Variants in TPST2 observed in about 807,000 individuals in gnomAD.
The protein encoded by TPST2 is protein-tyrosine sulfotransferase 2.
In TPST2, 16 loss-of-function variants were observed where a neutral mutation model predicts 27.8. The ratio of observed to expected loss-of-function variants is 0.58; its 90% CI spans 0.39 to 0.88. TPST2 has a LOEUF of 0.88. Among genes scored for constraint, TPST2 ranks in the 40% least tolerant of loss-of-function variants. The pLI is 0.00. For synonymous variants in TPST2, 229 were observed against 231.7 expected (o/e 0.99, Z 0.10); for missense variants, 464 against 543.1 (o/e 0.85, Z 1.45).
intron 3 of TPST2, among the ~76,000 whole-genome samples, chr22:26,537,773 T>C (rs1230915414): frequency 6.6e-6 from 1 of 152,100 alleles, no homozygotes; most frequent in Non-Finnish European, 1.5e-5. Context: ...AAATTTTTAA[T>C]AAGGGTTAGC....
chr22:26,585,361 G>C (rs949220943), intron 1 of TPST2, among the ~76,000 whole-genome samples: 2 of 151,988 alleles, frequency 1.3e-5, no homozygotes, highest in African/African-American at 4.8e-5. Flanking sequence ...CTGCCTCTGA[G>C]GTCCTTCCCT....
chr22:26,587,476 G>A (rs1235776863), intron 1 of TPST2, among the ~76,000 whole-genome samples: 1 of 152,018 alleles, frequency 6.6e-6, no homozygotes, highest in East Asian at 1.9e-4. Context: ...AAGTAGCTGG[G>A]GTTACAGGCA....
At chr22:26,563,418 TC>T (rs1021037120) in intron 1 of TPST2, among the ~76,000 whole-genome samples, 2 of 149,308 alleles carry the variant, frequency 1.3e-5, no homozygotes, top group Non-Finnish European at 3.0e-5. Context: ...AAGCTCCGTC[TC>T]CCGGGTTCAC....
At chr22:26,566,970 TC>T (rs1927408026) in intron 1 of TPST2, among the ~76,000 whole-genome samples, 1 of 152,122 alleles carries the variant, frequency 6.6e-6, no homozygotes, top group African/African-American at 2.4e-5. Flanking sequence ...TTTAGCCGCA[TC>T]CCCGGCCTCT....
chr22:26,563,172 T>C (rs1425444092), intron 1 of TPST2, among the ~76,000 whole-genome samples: 1 of 152,140 alleles, frequency 6.6e-6, no homozygotes, highest in African/African-American at 2.4e-5. Context: ...CAGTAAACAT[T>C]GCTTGAGCAC....
chr22:26,559,567 C>G (rs959450827), intron 1 of TPST2, among the ~76,000 whole-genome samples: 2 of 152,200 alleles, frequency 1.3e-5, no homozygotes, highest in Non-Finnish European at 2.9e-5. Context: ...CTTCTCCTCC[C>G]AGCCCCAGGA....
intron 1 of TPST2, among the ~76,000 whole-genome samples, chr22:26,558,486 A>G (rs1400244660): frequency 2.0e-5 from 3 of 152,140 alleles, no homozygotes; most frequent in Non-Finnish European, 4.4e-5. Context: ...GAGATGGGAG[A>G]GAAGGGAGAA....
At chr22:26,552,605 C>T (rs150315895) in intron 1 of TPST2, among the ~76,000 whole-genome samples, 27 of 152,288 alleles carry the variant, frequency 1.8e-4, no homozygotes, top group Non-Finnish European at 2.8e-4. Context: ...CTGTGGGCCA[C>T]AAGAGCTCCA....
At chr22:26,555,209 GCA>G in intron 1 of TPST2, 1 of 533,754 alleles carries the variant, frequency 1.9e-6, no homozygotes, top group Non-Finnish European at 3.8e-6. Context: ...ACCGCTTAAG[GCA>G]CTGAACTCAG....
chr22:26,552,387 C>T (rs898965236), intron 1 of TPST2, among the ~76,000 whole-genome samples: 4 of 152,162 alleles, frequency 2.6e-5, no homozygotes, highest in African/African-American at 7.2e-5. Context: ...TTATTAGCCA[C>T]GTTTTACCGA....
chr22:26,588,732 A>G (rs1442492924), intron 1 of TPST2, among the ~76,000 whole-genome samples: 1 of 152,170 alleles, frequency 6.6e-6, no homozygotes, highest in Non-Finnish European at 1.5e-5. Context: ...AACTGAGACT[A>G]GATCGGAAGG....
intron 1 of TPST2, among the ~76,000 whole-genome samples, chr22:26,557,835 T>C (rs533983783): frequency 3.4e-4 from 50 of 147,906 alleles, no homozygotes; most frequent in Middle Eastern, 3.4e-3. Flanking sequence ...TTGCTTGAGC[T>C]CTGGAGTTCA....
rs1439141516 is a variant in TPST2, at chr22:26,544,607, C to G, written c.-92G>C. On this transcript the variant is annotated 5_prime_UTR_variant, in exon 2 of 7. Coordinates refer to ENST00000338754, the MANE Select transcript of TPST2 (RefSeq NM_003595.5). ...AGTTCCTTCTAGGTGCACTTACCTC[C>G]CTTGGGCACTCTCATCTCTGGGCTC... is the stretch of plus-strand genomic sequence containing the variant. The G allele has an allele frequency of 4.1e-6, 4 of 985,818 alleles. No homozygotes were observed. Among genetic ancestry groups the G allele is most frequent in the Non-Finnish European group, 3.6e-6 (3 of 830,018 alleles). 61.1% of individuals were successfully genotyped at this position (985,818 alleles called of 1,614,324 possible). A position where few individuals can be genotyped will look rare whatever the true frequency, so the allele number is the denominator to read the frequency against.
intron 1 of TPST2, among the ~76,000 whole-genome samples, chr22:26,568,632 T>C (rs1927469892): frequency 6.6e-6 from 1 of 152,162 alleles, no homozygotes; most frequent in African/African-American, 2.4e-5. Context: ...CCATGACGTT[T>C]ACAAATGCCA....
At chr22:26,588,507 T>C (rs4822746) in intron 1 of TPST2, among the ~76,000 whole-genome samples, 21,941 of 152,140 alleles carry the variant, frequency 0.14, 2,098 homozygotes, top group South Asian at 0.31. Flanking sequence ...TACGGAAACA[T>C]ATACTTTAAA....
At chr22:26,584,306 A>C (rs1281731194) in intron 1 of TPST2, among the ~76,000 whole-genome samples, 1 of 152,086 alleles carries the variant, frequency 6.6e-6, no homozygotes, top group East Asian at 1.9e-4. Context: ...GCGAGTAGGG[A>C]GGAGTGGGTG....
At chr22:26,560,591 T>A in intron 1 of TPST2, 7 of 1,042,074 alleles carry the variant, frequency 6.7e-6, no homozygotes, top group Non-Finnish European at 1.1e-5. Flanking sequence ...TTGGGCAAAC[T>A]TGTCGGGAGG....
chr22:26,585,968 G>C (rs144624422), intron 1 of TPST2, among the ~76,000 whole-genome samples: 2,080 of 152,130 alleles, frequency 0.014, 52 homozygotes, highest in African/African-American at 0.047. Context: ...GCGTGAACCC[G>C]GGAGGTAGAG....
chr22:26,579,015 T>A (rs183239859), intron 1 of TPST2, among the ~76,000 whole-genome samples: 33 of 152,128 alleles, frequency 2.2e-4, no homozygotes, highest in Middle Eastern at 3.4e-3. Flanking sequence ...CATGCCCGGC[T>A]GATTTTTGTA....
Sources: allele counts gnomAD v4.1 joint callset (sites outside exome capture counted in the v4.1 genomes callset), GRCh38; gene constraint gnomAD v4.1.1; transcripts MANE v1.5; gene names NCBI Gene and HGNC (gene_info 2026-07-23, HGNC 2026-07-21).